Variants in SP2 observed in about 807,000 individuals in gnomAD.
SP2 encodes Sp2 transcription factor, also known as transcription factor Sp2.
A neutral mutation model predicts 50.1 loss-of-function variants in SP2; 9 were observed. The observed-to-expected ratio is 0.18, with a 90% CI of 0.11 to 0.31. The LOEUF is 0.31. Ranked by LOEUF, SP2 falls within the 10% of genes least tolerant of loss-of-function variation. The pLI is 1.00. For synonymous variants in SP2, 313 were observed against 326.6 expected, an observed-to-expected ratio of 0.96 and a Z score of 0.45; for missense variants, 581 against 806.5, an observed-to-expected ratio of 0.72 and a Z score of 3.39.
intron 6 of SP2, among the ~76,000 whole-genome samples, chr17:47,925,745 G>A (rs892217965): frequency 6.6e-5 from 10 of 152,142 alleles, no homozygotes; most frequent in African/African-American, 2.4e-4. Context: ...AATGGGAAAG[G>A]AATAGTTGTC....
chr17:47,898,705 A>G (rs139821389), intron 1 of SP2: 2 of 152,344 alleles, frequency 1.3e-5, no homozygotes, highest in Non-Finnish European at 2.9e-5. Flanking sequence ...TGGCTATGGA[A>G]TGAAAGATGC....
At chr17:47,917,267 C>A in intron 3 of SP2, 137 bp downstream of exon 3, 1 of 807,772 alleles carries the variant, frequency 1.2e-6, no homozygotes, top group African/African-American at 1.7e-5. Context: ...CAGTAAGTGG[C>A]CGTTTCTACC....
At chr17:47,914,135 C>T (rs1054185046) in intron 1 of SP2, among the ~76,000 whole-genome samples, 2 of 152,164 alleles carry the variant, frequency 1.3e-5, no homozygotes, top group African/African-American at 4.8e-5. Flanking sequence ...CTTTGGGAGA[C>T]TGAGGCAGGT....
chr17:47,924,995 G>A lies in SP2; in HGVS notation c.1449G>A (p.Gln483=). ...GTGGGCTGAGCCCCACCCAGATCCA[G>A]CTGCAAATGGAACAAGCCCTGGCCG... ...TISGLSPTQI[Q]LQMEQALAGE... Residue 483 remains glutamine (Q), a synonymous_variant, in exon 5 of 7, where the codon CAG becomes CAA. Transcript: ENST00000376741. The A allele has an allele frequency of 6.2e-7, 1 of 1,614,192 alleles. No individual in the cohort carries two copies.
Position 47,913,579 on chromosome 17 carries a change from A to G in SP2, c.8-1733A>G, listed in dbSNP as rs569189919. ...TGATACTGTGTTTCTTTCTTTTTAA[A>G]AAATTTTTATTAGGGACGGGGTCTA... On this transcript the variant is annotated intron_variant, in intron 1 of 6. Coordinates refer to ENST00000376741, the MANE Select transcript of SP2 (RefSeq NM_003110.6). Among the ~76,000 whole-genome samples the G allele has an allele frequency of 9.2e-5, 14 of 152,172 alleles. No individual in the cohort carries two copies. In the South Asian group the frequency reaches 2.1e-3, roughly 23 times the overall value.
At chr17:47,902,225 T>C (rs1175789460) in intron 1 of SP2, among the ~76,000 whole-genome samples, 1 of 152,102 alleles carries the variant, frequency 6.6e-6, no homozygotes, top group Admixed American at 6.6e-5. Flanking sequence ...ATACTTGGTA[T>C]GTTCAGGAAC....
At chr17:47,906,284 A>AT (rs1292652206) in intron 1 of SP2, among the ~76,000 whole-genome samples, 4 of 152,082 alleles carry the variant, frequency 2.6e-5, no homozygotes, top group Non-Finnish European at 5.9e-5. Flanking sequence ...AGTGAGGGGG[A>AT]TACTCAGGTT....
chr17:47,914,906 A>G (rs2035128356), intron 1 of SP2: 1 of 155,008 alleles, frequency 6.5e-6, no homozygotes, highest in African/African-American at 2.4e-5. Flanking sequence ...AGAAGCAGCA[A>G]CAAATAGAGG....
intron 3 of SP2, among the ~76,000 whole-genome samples, chr17:47,920,333 AGGCTGGAGT>A (rs2035401124): frequency 7.1e-6 from 1 of 141,680 alleles, no homozygotes; most frequent in South Asian, 2.2e-4. Flanking sequence ...TCTGTCACCC[AGGCTGGAGT>A]GCAGTGGCGC....
chr17:47,925,140 C>A, intron 5 of SP2, 47 bp downstream of exon 5: 1 of 1,552,650 alleles, frequency 6.4e-7, no homozygotes, highest in South Asian at 1.2e-5. Flanking sequence ...CTGTGTTCCC[C>A]AAGCCCCTCC....
At chr17:47,929,663 A>C (rs9895863), downstream of SP2, 1 of 152,486 alleles carries the variant, frequency 6.6e-6, no homozygotes, top group Non-Finnish European at 1.5e-5. Flanking sequence ...GTTTTGCAGA[A>C]CTAATAGGAA....
chr17:47,922,604 A>G (rs934539166), intron 3 of SP2, among the ~76,000 whole-genome samples: 1 of 151,738 alleles, frequency 6.6e-6, no homozygotes, highest in African/African-American at 2.4e-5. Context: ...GAAAACCTGG[A>G]ATTCCTGGGC....
At chr17:47,911,917 C>T (rs2035005096) in intron 1 of SP2, among the ~76,000 whole-genome samples, 1 of 152,150 alleles carries the variant, frequency 6.6e-6, no homozygotes, top group Non-Finnish European at 1.5e-5. Flanking sequence ...AGACACTTTG[C>T]AGCAGCAGAC....
At chr17:47,910,667 C>G (rs2034946386) in intron 1 of SP2, among the ~76,000 whole-genome samples, 1 of 152,174 alleles carries the variant, frequency 6.6e-6, no homozygotes. Context: ...TCCTTGTAAG[C>G]ATGGCACAGA....
intron 1 of SP2, among the ~76,000 whole-genome samples, chr17:47,913,471 C>T (rs941765996): frequency 6.6e-6 from 1 of 152,140 alleles, no homozygotes; most frequent in Non-Finnish European, 1.5e-5. Flanking sequence ...CTGACTCTGC[C>T]TGGTGTTCTT....
intron 4 of SP2, among the ~76,000 whole-genome samples, chr17:47,924,116 C>T (rs922824950): frequency 6.6e-6 from 1 of 151,624 alleles, no homozygotes; most frequent in Non-Finnish European, 1.5e-5. Flanking sequence ...AGAACTGTGT[C>T]CTCTTTTGTG....
chr17:47,896,580 C>T (rs1350469183), intron 1 of SP2, among the ~76,000 whole-genome samples: 1 of 152,176 alleles, frequency 6.6e-6, no homozygotes, highest in Non-Finnish European at 1.5e-5. Flanking sequence ...GAGGAGCGGG[C>T]ACCGGGGTGG....
chr17:47,910,300 G>A (rs776434537), intron 1 of SP2, among the ~76,000 whole-genome samples: 10 of 152,310 alleles, frequency 6.6e-5, no homozygotes, highest in Non-Finnish European at 1.5e-4. Flanking sequence ...ATCACGGTCC[G>A]TCACATGTAA....
At chr17:47,917,825 TC>T (rs1179159604) in intron 3 of SP2, 7 of 433,490 alleles carry the variant, frequency 1.6e-5, no homozygotes, top group Non-Finnish European at 3.2e-5. Context: ...ACAAGAATGT[TC>T]TTATTTTTGG....
Sources: allele counts gnomAD v4.1 joint callset (sites outside exome capture counted in the v4.1 genomes callset), GRCh38; gene constraint gnomAD v4.1.1; transcripts MANE v1.5; gene names NCBI Gene and HGNC (gene_info 2026-07-23, HGNC 2026-07-21).